Variants in RAD51D observed in about 807,000 individuals in gnomAD.
The protein encoded by RAD51D is RAD51 paralog D, also known as DNA repair protein RAD51 homolog 4.
In RAD51D, 38 loss-of-function variants were observed where a neutral mutation model predicts 44.1. The observed-to-expected ratio is 0.86, with a 90% CI of 0.67 to 1.13. The LOEUF is 1.13. Among genes scored for constraint, RAD51D ranks in the 50% most tolerant of loss-of-function variants. RAD51D has a pLI of 0.00. For missense variants in RAD51D, 390 were observed against 414.0 expected, an observed-to-expected ratio of 0.94 and a Z score of 0.50; for synonymous variants, 141 against 166.6, an observed-to-expected ratio of 0.85 and a Z score of 1.18.
At position 35,103,519 on chromosome 17, in the gene RAD51D, T is replaced by A. The variant is rs1294493413; in HGVS notation, c.602A>T (p.Lys201Met). 6.2e-7 allele frequency: 1 copy of A among 1,614,038 alleles called. No homozygotes were observed. The highest frequency in any genetic ancestry group is 2.2e-5 in the East Asian group (1 of 44,894). Reference sequence around the variant, plus strand: ...AGTGACCGAGTCCACAACCACCACCTTCACAGTTCCTGAAGAACCAGTCAC... The same window carrying A: ...AGTGACCGAGTCCACAACCACCACCATCACAGTTCCTGAAGAACCAGTCAC... The part of the protein sequence containing the change: ...QQVTGSSGTV[K>M]VVVVDSVTAV... The change falls in exon 7 of 10, where the codon AAG becomes ATG. Residue 201 changes from lysine to methionine, a missense_variant. Coordinates refer to ENST00000345365, the MANE Select transcript of RAD51D (RefSeq NM_002878.4). The surrounding 1 kb of genome is among the most constrained non-coding windows in gnomAD (Gnocchi z 4.1).
chr17:35,107,352 G>A lies in RAD51D; in HGVS notation c.345+14C>T, dbSNP rs1567728611. 2 of 1,535,860 alleles carry A rather than the reference G, an allele frequency of 1.3e-6. No homozygotes were observed. Among genetic ancestry groups the A allele is most frequent in the Non-Finnish European group, 1.8e-6 (2 of 1,109,114 alleles). On this transcript the variant is annotated intron_variant, in intron 4 of 9. Coordinates refer to ENST00000345365, the MANE Select transcript of RAD51D (RefSeq NM_002878.4). ...TCACCCCTAAATCCTCCTGACTGCTGGCCTCACATGTACCTGAGTTTTGCC... is the reference window on the plus strand; with the variant it reads ...TCACCCCTAAATCCTCCTGACTGCTAGCCTCACATGTACCTGAGTTTTGCC...
At chr17:35,119,061 G>A (rs2091786602) in intron 2 of RAD51D, 50 bp downstream of exon 2, 1 of 1,566,842 alleles carries the variant, frequency 6.4e-7, no homozygotes, top group Non-Finnish European at 8.8e-7. Context: ...GCTTGGGATG[G>A]ACTTTTTAAA....
intron 6 of RAD51D, among the ~76,000 whole-genome samples, chr17:35,104,604 C>T (rs1197233930): frequency 6.6e-6 from 1 of 152,052 alleles, no homozygotes; most frequent in African/African-American, 2.4e-5. Flanking sequence ...AGGCTGGTCT[C>T]GAAATCCGGC....
At position 35,093,583 on chromosome 17, in the gene RAD51D, C is replaced by G. The variant is rs930496703; in HGVS notation, c.*7370G>C. ...GCAAATGTCATGGCCAATACCCAGACTCCTCCAAGACTGAAGGGTAACCCA... is the reference window on the plus strand; with the variant it reads ...GCAAATGTCATGGCCAATACCCAGAGTCCTCCAAGACTGAAGGGTAACCCA... On this transcript the variant is annotated 3_prime_UTR_variant, in exon 10 of 10. Transcript: ENST00000345365. 3 of 152,212 alleles carry G rather than the reference C, an allele frequency of 2.0e-5. No individual in the cohort carries two copies. Among genetic ancestry groups the G allele is most frequent in the Non-Finnish European group, 4.4e-5 (3 of 68,038 alleles). The allele number at this position is 152,212 out of a possible 1,614,324, so 9.4% of individuals were successfully genotyped here. A position where few individuals can be genotyped will look rare whatever the true frequency, so the allele number is the denominator to read the frequency against.
rs2091602962 is a variant in RAD51D, at chr17:35,106,388, G to C, written c.574C>G (p.Gln192Glu). Residue 192 changes from glutamine to glutamate, a missense_variant and splice_region_variant, in exon 6 of 10, where the codon CAG becomes GAG. Coordinates refer to ENST00000345365, the MANE Select transcript of RAD51D (RefSeq NM_002878.4). ...LQELRGTVAQ[Q>E]VTGSSGTVKV... ...GAGGGGCAGAACAGCAGGCTCACCT[G>C]CTGGGCCACAGTGCCTCGGAGCTCC... is the stretch of plus-strand genomic sequence containing the variant. 6.2e-7 allele frequency: 1 copy of C among 1,612,740 alleles called. No individual in the cohort carries two copies. Among genetic ancestry groups the C allele is most frequent in the Non-Finnish European group, 8.5e-7 (1 of 1,179,298 alleles).
intron 6 of RAD51D, among the ~76,000 whole-genome samples, chr17:35,105,335 G>A (rs940696765): frequency 6.6e-6 from 1 of 152,220 alleles, no homozygotes; most frequent in Non-Finnish European, 1.5e-5. Context: ...CTGCTGACCA[G>A]GCTAAGGTAC....
At chr17:35,113,214 T>C (rs2091698119) in intron 3 of RAD51D, among the ~76,000 whole-genome samples, 1 of 152,214 alleles carries the variant, frequency 6.6e-6, no homozygotes, top group Non-Finnish European at 1.5e-5. Context: ...TGGTTCTTGA[T>C]GACCTCCCAT....
rs946752776 is a variant in RAD51D at position 35,099,480 on chromosome 17, A to G, written c.*1473T>C. 3 of 222,454 alleles carry G rather than the reference A, an allele frequency of 1.3e-5. No individual in the cohort carries two copies. Among genetic ancestry groups the G allele is most frequent in the Non-Finnish European group, 2.7e-5 (3 of 109,720 alleles). 13.8% of individuals were successfully genotyped at this position (222,454 alleles called of 1,614,324 possible). A position where few individuals can be genotyped will look rare whatever the true frequency, so the allele number is the denominator to read the frequency against. On this transcript the variant is annotated 3_prime_UTR_variant, in exon 10 of 10. Transcript: ENST00000345365. Reference sequence around the variant, plus strand: ...GGTTGCAGGAATGTGCCAATCACCCATGGTATAAAGATACTGAAGATTAAT... The same window carrying G: ...GGTTGCAGGAATGTGCCAATCACCCGTGGTATAAAGATACTGAAGATTAAT...
At chr17:35,115,158 A>G (rs1009896583) in intron 3 of RAD51D, 1 of 431,838 alleles carries the variant, frequency 2.3e-6, no homozygotes, top group African/African-American at 2.0e-5. Context: ...AAGCAGAAGT[A>G]CACCTGGGTT....
chr17:35,102,591 T>C lies in RAD51D; in HGVS notation c.738+663A>G, dbSNP rs935168755. ...CTGCAGTGAGCTGTGATTGTGCCCC[T>C]GCACTCCAGCCTGGGAAACAGAGCG... is the stretch of plus-strand genomic sequence containing the variant. On this transcript the variant is annotated intron_variant, in intron 8 of 9. Coordinates refer to ENST00000345365, the MANE Select transcript of RAD51D (RefSeq NM_002878.4). Among the ~76,000 whole-genome samples, 5 of 150,130 alleles carry C rather than the reference T, an allele frequency of 3.3e-5. No homozygotes were observed. The East Asian group carries it at 9.9e-4, about 30-fold the overall frequency.
intron 3 of RAD51D, among the ~76,000 whole-genome samples, chr17:35,110,796 A>G (rs1233209098): frequency 1.3e-5 from 2 of 151,810 alleles, no homozygotes; most frequent in Non-Finnish European, 2.9e-5. Context: ...ACATAATGAA[A>G]CCCTGTCTCT....
In RAD51D at chr17:35,104,057, G is replaced by A. The variant is rs28363280; in HGVS notation, c.577-513C>T. 7.8e-3 allele frequency among the ~76,000 whole-genome samples: 1,181 copies of A among 152,206 alleles called. 11 individuals carry two copies. The highest frequency in any genetic ancestry group is 0.026 in the East Asian group (132 of 5,174). On this transcript the variant is annotated intron_variant, in intron 6 of 9. Coordinates refer to ENST00000345365, the MANE Select transcript of RAD51D (RefSeq NM_002878.4). ...CACACCGCTGCATTCCAGCCTGGGC[G>A]ACAGAGCAAGACTCTGTCTCAAAAA...
chr17:35,104,267 G>A (rs1487746674), intron 6 of RAD51D, among the ~76,000 whole-genome samples: 3 of 151,912 alleles, frequency 2.0e-5, no homozygotes, highest in Non-Finnish European at 4.4e-5. Context: ...CCCTTGTCCT[G>A]CTAACTACCA....
At chr17:35,115,548 C>T (rs1281163562) in intron 3 of RAD51D, among the ~76,000 whole-genome samples, 1 of 152,128 alleles carries the variant, frequency 6.6e-6, no homozygotes, top group East Asian at 1.9e-4. Flanking sequence ...TTTAAAGTTA[C>T]ACCATTAACT....
At position 35,096,976 on chromosome 17, in the gene RAD51D, G is replaced by T. The variant is rs1049766313; in HGVS notation, c.*3977C>A. 3 of 152,162 alleles carry T rather than the reference G, an allele frequency of 2.0e-5. No homozygotes were observed. The highest frequency in any genetic ancestry group is 4.4e-5 in the Non-Finnish European group (3 of 68,040). 9.4% of individuals were successfully genotyped at this position (152,162 alleles called of 1,614,324 possible). ...TGAGTCCTTGGGAATTCAAATGCCT[G>T]ATTTTTAATTAAGGCCATCAAGTGC... On this transcript the variant is annotated 3_prime_UTR_variant, in exon 10 of 10. Coordinates refer to ENST00000345365, the MANE Select transcript of RAD51D (RefSeq NM_002878.4).
rs2091466705 is a variant in RAD51D at position 35,093,172 on chromosome 17, T to C, written c.*7781A>G. Reference sequence around the variant, plus strand: ...AGTGCCTATATCATGCCTGGAAAACTATTCAGTGTTTTACATAAGTTACAT... The same window carrying C: ...AGTGCCTATATCATGCCTGGAAAACCATTCAGTGTTTTACATAAGTTACAT... On this transcript the variant is annotated 3_prime_UTR_variant, in exon 10 of 10. Coordinates refer to ENST00000345365, the MANE Select transcript of RAD51D (RefSeq NM_002878.4). 6.6e-6 allele frequency: 1 copy of C among 152,164 alleles called. No homozygotes were observed. Among genetic ancestry groups the C allele is most frequent in the Non-Finnish European group, 1.5e-5 (1 of 68,016 alleles). 9.4% of individuals were successfully genotyped at this position (152,164 alleles called of 1,614,324 possible).
intron 3 of RAD51D, chr17:35,117,084 G>C (rs771987736): frequency 6.4e-7 from 1 of 1,567,468 alleles, no homozygotes; most frequent in Non-Finnish European, 8.7e-7. Flanking sequence ...TCGGCTTCCT[G>C]TTCACCACTC....
At chr17:35,115,279 T>G (rs2091723300) in intron 3 of RAD51D, 3 of 518,118 alleles carry the variant, frequency 5.8e-6, no homozygotes, top group South Asian at 4.2e-5. Flanking sequence ...CTTCAATGCC[T>G]CATATTTCCT....
chr17:35,113,651 C>T lies in RAD51D; in HGVS notation c.263+4850G>A, dbSNP rs906863742. Reference sequence around the variant, plus strand: ...CAAAACACTCTGGTTACCACTCTAGCCCTGTGGCTTCTTGAGATAATTGTG... The same window carrying T: ...CAAAACACTCTGGTTACCACTCTAGTCCTGTGGCTTCTTGAGATAATTGTG... On this transcript the variant is annotated intron_variant, in intron 3 of 9. Transcript: ENST00000345365. 5 of 349,286 alleles carry T rather than the reference C, an allele frequency of 1.4e-5. No homozygotes were observed. In the Admixed American group the frequency reaches 1.4e-4, roughly 10 times the overall value. The allele number at this position is 349,286 out of a possible 1,614,324, so 21.6% of individuals were successfully genotyped here.
Sources: allele counts gnomAD v4.1 joint callset (sites outside exome capture counted in the v4.1 genomes callset), GRCh38; gene constraint gnomAD v4.1.1; non-coding constraint Gnocchi (gnomAD v3.1); transcripts MANE v1.5; gene names NCBI Gene and HGNC (gene_info 2026-07-23, HGNC 2026-07-21).